ZNF320: variants seen among roughly 807,000 people sequenced by gnomAD.
ZNF320 encodes zinc finger gene 320.
ZNF320 carries 2 observed loss-of-function variants against 6.8 expected under a neutral mutation model. The observed-to-expected ratio is 0.29, with a 90% CI of 0.12 to 0.93. ZNF320 has a LOEUF of 0.93. Ranked by LOEUF, ZNF320 falls within the 40% of genes least tolerant of loss-of-function variation. The pLI, the probability that ZNF320 is intolerant of heterozygous loss-of-function variation, is 0.55. For synonymous variants in ZNF320, 208 were observed against 203.2 expected (o/e 1.02, Z -0.20); for missense variants, 472 against 611.0 (o/e 0.77, Z 2.40).
In ZNF320 at chr19:52,880,740, G is replaced by T; in HGVS notation, c.1386C>A (p.Ile462=). ...SPSHLIRHQR[I]HTGQKSYKCH... ...ATTTGTAAGATTTCTGTCCAGTATG[G>T]ATTCTCTGATGCCTAATAAGGTGTG... The change falls in exon 6 of 6, where the codon ATC becomes ATA. Residue 462 remains isoleucine, a synonymous_variant. Transcript: ENST00000682928. 1 of 1,613,832 alleles carries T rather than the reference G, an allele frequency of 6.2e-7. No individual in the cohort carries two copies. The highest frequency in any genetic ancestry group is 1.1e-5 in the South Asian group (1 of 91,070).
downstream of ZNF320, chr19:52,876,097 G>A (rs1248331573): frequency 3.9e-5 from 6 of 152,152 alleles, no homozygotes; most frequent in African/African-American, 7.2e-5. Context: ...TGGACCAGAG[G>A]AACTTGAGGG....
downstream of ZNF320, among the ~76,000 whole-genome samples, chr19:52,860,597 C>CAAAAAAAAAA (rs113315558): frequency 2.5e-5 from 3 of 118,814 alleles, 1 homozygote; most frequent in East Asian, 5.0e-4. Context: ...GAAACGGCAT[C>CAAAAAAAAAA]AAAAAAAAAA....
At chr19:52,900,227 C>A (rs1024852649), upstream of ZNF320, among the ~76,000 whole-genome samples, 1 of 152,136 alleles carries the variant, frequency 6.6e-6, no homozygotes, top group Admixed American at 6.6e-5. Context: ...GAATGGATTT[C>A]TTTTTGTGTA....
rs577358008 is a variant in ZNF320, at chr19:52,861,996, A to G, written c.*2033T>C. Reference sequence around the variant, plus strand: ...AAGCTTGACTGAAGACCTTGCCTCAATCATGACATTTGTAAGGTTTCTCTC... The same window carrying G: ...AAGCTTGACTGAAGACCTTGCCTCAGTCATGACATTTGTAAGGTTTCTCTC... On this transcript the variant is annotated 3_prime_UTR_variant, in exon 6 of 6. Coordinates refer to the ZNF320 transcript ENST00000673631. 36 of 374,918 alleles carry G rather than the reference A, an allele frequency of 9.6e-5. No individual in the cohort carries two copies. In the East Asian group the frequency reaches 1.2e-3, roughly 12 times the overall value. 23.2% of individuals were successfully genotyped at this position (374,918 alleles called of 1,614,324 possible). A position where few individuals can be genotyped will look rare whatever the true frequency, so the allele number is the denominator to read the frequency against.
chr19:52,869,153 A>C (rs79009601), intron 5 of ZNF320, among the ~76,000 whole-genome samples: 4 of 148,884 alleles, frequency 2.7e-5, no homozygotes, highest in African/African-American at 7.4e-5. Context: ...TGAGCTTGGA[A>C]GAAAGTGGAA....
Position 52,884,040 on chromosome 19 carries a change from A to G in ZNF320, c.143-2057T>C, listed in dbSNP as rs1461351526. ...GACTCCTCATGAATAGGACTAGTGC[A>G]TTTATAGAGACATTAAAGAGCTCAT... is the stretch of plus-strand genomic sequence containing the variant. On this transcript the variant is annotated intron_variant, in intron 5 of 5. Coordinates refer to ENST00000682928, the MANE Select transcript of ZNF320 (RefSeq NM_001351774.2). 5.9e-5 allele frequency among the ~76,000 whole-genome samples: 9 copies of G among 152,180 alleles called. No homozygotes were observed. In the East Asian group the frequency reaches 1.3e-3, roughly 23 times the overall value.
chr19:52,862,460 T>C, exon 6 of ZNF320: 3 of 387,274 alleles, frequency 7.7e-6, no homozygotes. Context: ...AACTGCAAGG[T>C]ATGAATGATG....
At chr19:52,896,236 C>T (rs779898412) in intron 1 of ZNF320, among the ~76,000 whole-genome samples, 1 of 152,012 alleles carries the variant, frequency 6.6e-6, no homozygotes, top group Non-Finnish European at 1.5e-5. Flanking sequence ...GGATTACAGG[C>T]GCCCGACATC....
chr19:52,860,389 A>C (rs1331264946), downstream of ZNF320, among the ~76,000 whole-genome samples: 2 of 152,092 alleles, frequency 1.3e-5, no homozygotes, highest in Non-Finnish European at 1.5e-5. Context: ...ACCTGAGGTA[A>C]GGAGTTCCAG....
intron 5 of ZNF320, among the ~76,000 whole-genome samples, chr19:52,865,777 TTA>T (rs1272520667): frequency 8.1e-5 from 10 of 124,108 alleles, no homozygotes; most frequent in Non-Finnish European, 1.1e-4. Flanking sequence ...ACACATATAT[TTA>T]TATATATGAT....
intron 5 of ZNF320, among the ~76,000 whole-genome samples, chr19:52,871,133 C>G (rs1292333333): frequency 6.6e-6 from 1 of 152,192 alleles, no homozygotes; most frequent in South Asian, 2.1e-4. Flanking sequence ...GGCAATAGAG[C>G]GAGACTCCAT....
the ZNF320 span, among the ~76,000 whole-genome samples, chr19:52,903,118 C>T: frequency 6.6e-6 from 1 of 152,104 alleles, no homozygotes; most frequent in East Asian, 1.9e-4. Context: ...GGCCTTATTA[C>T]TTTTAAATTA....
chr19:52,886,248 C>G (rs1451511170), intron 5 of ZNF320, among the ~76,000 whole-genome samples: 1 of 152,088 alleles, frequency 6.6e-6, no homozygotes, highest in Non-Finnish European at 1.5e-5. Flanking sequence ...GACTCTCCTG[C>G]CTGAGCCTCC....
upstream of ZNF320, among the ~76,000 whole-genome samples, chr19:52,899,160 A>C (rs775629996): frequency 3.3e-5 from 5 of 152,216 alleles, no homozygotes; most frequent in Non-Finnish European, 7.3e-5. Flanking sequence ...TATCATTTGA[A>C]GAGGTACAGG....
chr19:52,902,219 G>A (rs1401554521), upstream of ZNF320, among the ~76,000 whole-genome samples: 1 of 152,194 alleles, frequency 6.6e-6, no homozygotes, highest in African/African-American at 2.4e-5. Flanking sequence ...CCTCTCTGCC[G>A]TGAGATACAA....
chr19:52,885,799 G>A (rs1053787558), intron 5 of ZNF320, among the ~76,000 whole-genome samples: 1 of 151,742 alleles, frequency 6.6e-6, no homozygotes, highest in Admixed American at 6.6e-5. Flanking sequence ...CCAGCTACTC[G>A]ACAGGCTGAG....
exon 6 of ZNF320, chr19:52,862,256 A>T: frequency 1.5e-6 from 1 of 685,046 alleles, no homozygotes; most frequent in South Asian, 1.4e-5. Context: ...TGCCACACTC[A>T]TTACACTTGT....
intron 5 of ZNF320, among the ~76,000 whole-genome samples, chr19:52,883,483 C>G (rs182036530): frequency 6.6e-6 from 1 of 152,186 alleles, no homozygotes; most frequent in East Asian, 1.9e-4. Context: ...ACAATTCCCT[C>G]TTAAGAAAAA....
chr19:52,861,250 A>G (rs1251082590), exon 6 of ZNF320, among the ~76,000 whole-genome samples: 1 of 152,158 alleles, frequency 6.6e-6, no homozygotes, highest in Non-Finnish European at 1.5e-5. Flanking sequence ...AATTAAGAAA[A>G]CCGTTCCATT....
Sources: allele counts gnomAD v4.1 joint callset (sites outside exome capture counted in the v4.1 genomes callset), GRCh38; gene constraint gnomAD v4.1.1; transcripts MANE v1.5; gene names NCBI Gene and HGNC (gene_info 2026-07-23, HGNC 2026-07-21).